Variants in CYP3A43 observed in about 807,000 individuals in gnomAD.
The protein encoded by CYP3A43 is cytochrome P450 family 3 subfamily A member 43, also known as cytochrome P450 3A43.
In CYP3A43, 45 loss-of-function variants were observed where a neutral mutation model predicts 58.0. The ratio of observed to expected loss-of-function variants is 0.78; its 90% confidence interval spans 0.61 to 0.99. The LOEUF (loss-of-function observed/expected upper bound fraction) is 0.99. Ranked by LOEUF, CYP3A43 falls within the 50% of genes least tolerant of loss-of-function variation. The probability of loss-of-function intolerance (pLI) is 0.00; values close to 1 mark genes in which losing one functional copy is unlikely to be tolerated. For synonymous variants in CYP3A43, 191 were observed against 201.4 expected, an observed-to-expected ratio of 0.95 and a Z score of 0.44; for missense variants, 593 against 591.9, an observed-to-expected ratio of 1.00 and a Z score of -0.02.
chr7:99,849,639 A>G lies in CYP3A43; in HGVS notation c.615A>G (p.Lys205=). Reference sequence around the variant, plus strand: ...ACAATCCACAAGATCCCTTTCTGAAAAATATGAAGAAGCTTTTAAAATTGG... The same window carrying G: ...ACAATCCACAAGATCCCTTTCTGAAGAATATGAAGAAGCTTTTAAAATTGG... ...SLNNPQDPFL[K]NMKKLLKLDF... The change falls in exon 7 of 13, where the codon AAA becomes AAG. Residue 205 remains lysine (K), a synonymous_variant. Transcript: ENST00000354829. 1 of 1,612,262 alleles carries G rather than the reference A, an allele frequency of 6.2e-7. No homozygotes were observed. Among genetic ancestry groups the G allele is most frequent in the Non-Finnish European group, 8.5e-7 (1 of 1,179,630 alleles).
At chr7:99,857,100 A>T (rs140475564) in intron 9 of CYP3A43, among the ~76,000 whole-genome samples, 58 of 152,324 alleles carry the variant, frequency 3.8e-4, no homozygotes, top group African/African-American at 1.3e-3. Flanking sequence ...CTTGAAGGGC[A>T]ACCCTGAACA....
At chr7:99,844,104 G>T (rs199798837) in intron 3 of CYP3A43, 39 bp from the exon 4 acceptor site, 172 of 1,528,050 alleles carry the variant, frequency 1.1e-4, no homozygotes, top group Non-Finnish European at 1.4e-4. Context: ...GCAGAATCAG[G>T]CAAGCGAGGT....
intron 4 of CYP3A43, among the ~76,000 whole-genome samples, chr7:99,846,202 T>A (rs1448555955): frequency 1.3e-5 from 2 of 152,248 alleles, no homozygotes; most frequent in Non-Finnish European, 2.9e-5. Context: ...CTTTACTACA[T>A]TGAGTCTTTC....
Position 99,861,657 on chromosome 7 carries a change from C to G in CYP3A43, c.1071C>G (p.Asp357Glu), listed in dbSNP as rs1296254267. ...CCCTGGTACAGATGGAGTACCTTGA[C>G]ATGGTGGTGAATGAAACGCTCAGAT... Reference protein sequence around the residue: ...YDALVQMEYLDMVVNETLRLF... With the variant: ...YDALVQMEYLEMVVNETLRLF... The change falls in exon 11 of 13, where the codon GAC (aspartate) becomes GAG (glutamate). Residue 357 changes from aspartate to glutamate, a missense_variant. Physicochemically the swap from Asp to Glu is conservative, Grantham distance 45 (BLOSUM62 2). Transcript: ENST00000354829. 4.3e-6 allele frequency: 7 copies of G among 1,614,034 alleles called. No homozygotes were observed. The highest frequency in any genetic ancestry group is 5.9e-6 in the Non-Finnish European group (7 of 1,180,026).
At position 99,839,168 on chromosome 7, in the gene CYP3A43, T is replaced by TG; in HGVS notation, c.218+1dup. ...ATGTAATGAAAAATACGGAGAAATG[T>TG]GGGGGTGAGTATTCTGGAAACTTGC... is the stretch of plus-strand genomic sequence containing the variant. On this transcript the variant is annotated frameshift_variant, in exon 3 of 13. Transcript: ENST00000354829. LOFTEE classifies it high-confidence loss of function. The TG allele has an allele frequency of 6.2e-7, 1 of 1,614,146 alleles. No homozygotes were observed. Among genetic ancestry groups the TG allele is most frequent in the Non-Finnish European group, 8.5e-7 (1 of 1,180,018 alleles).
At chr7:99,855,080 A>G (rs535252039) in intron 7 of CYP3A43, among the ~76,000 whole-genome samples, 1 of 152,062 alleles carries the variant, frequency 6.6e-6, no homozygotes, top group Non-Finnish European at 1.5e-5. Context: ...GGGTTCCGCC[A>G]TGTTGGTCAG....
chr7:99,860,533 C>G (rs1007454116), intron 10 of CYP3A43, among the ~76,000 whole-genome samples: 1 of 152,240 alleles, frequency 6.6e-6, no homozygotes, highest in African/African-American at 2.4e-5. Context: ...ACACCAAATG[C>G]TAGCCACGTA....
intron 4 of CYP3A43, among the ~76,000 whole-genome samples, chr7:99,844,999 G>A (rs1817488559): frequency 6.6e-6 from 1 of 151,370 alleles, no homozygotes; most frequent in Non-Finnish European, 1.5e-5. Flanking sequence ...AACCCGGGAG[G>A]CAGAGGTTGC....
intron 3 of CYP3A43, among the ~76,000 whole-genome samples, chr7:99,843,529 G>A (rs906407368): frequency 1.3e-5 from 2 of 151,792 alleles, no homozygotes; most frequent in African/African-American, 2.4e-5. Context: ...GCAGTGATGC[G>A]ATCTTGGCTC....
chr7:99,828,347 G>C (rs1281156556), intron 1 of CYP3A43, among the ~76,000 whole-genome samples, 161 bp downstream of exon 1: 1 of 152,146 alleles, frequency 6.6e-6, no homozygotes, highest in African/African-American at 2.4e-5. Context: ...AATATGTTAG[G>C]ACTCCTAATA....
intron 10 of CYP3A43, 143 bp downstream of exon 10, chr7:99,860,133 A>G (rs1818171872): frequency 9.5e-7 from 1 of 1,054,756 alleles, no homozygotes. Flanking sequence ...TGTAAAGAGT[A>G]AAAACAAAGG....
chr7:99,866,064 A>G lies in CYP3A43; in HGVS notation c.*63A>G. ...TATCCCAGAACACTAGACACTTCAAATTGTTTTGTGAATAAAACTCAGAAA... is the reference window on the plus strand; with the variant it reads ...TATCCCAGAACACTAGACACTTCAAGTTGTTTTGTGAATAAAACTCAGAAA... On this transcript the variant is annotated 3_prime_UTR_variant, in exon 13 of 13. Transcript: ENST00000354829. 9.5e-7 allele frequency: 1 copy of G among 1,047,902 alleles called. No individual in the cohort carries two copies. Among genetic ancestry groups the G allele is most frequent in the Non-Finnish European group, 1.4e-6 (1 of 718,360 alleles). 64.9% of individuals were successfully genotyped at this position (1,047,902 alleles called of 1,614,324 possible).
intron 7 of CYP3A43, among the ~76,000 whole-genome samples, chr7:99,854,930 G>A (rs1456376520): frequency 6.6e-6 from 1 of 150,914 alleles, no homozygotes; most frequent in Admixed American, 6.6e-5. Context: ...TGTCACTCAG[G>A]CTGGAGTACA....
At chr7:99,832,742 C>A (rs1298384411) in intron 1 of CYP3A43, among the ~76,000 whole-genome samples, 1 of 151,910 alleles carries the variant, frequency 6.6e-6, no homozygotes, top group Non-Finnish European at 1.5e-5. Flanking sequence ...AAGTGTGACA[C>A]CTCTTCTCTC....
In CYP3A43 at chr7:99,836,476, T is replaced by A; in HGVS notation, c.95T>A (p.Leu32His). The A allele has an allele frequency of 6.2e-7, 1 of 1,611,026 alleles. No individual in the cohort carries two copies. The highest frequency in any genetic ancestry group is 8.5e-7 in the Non-Finnish European group (1 of 1,179,344). The change falls in exon 2 of 13, where the codon CTT becomes CAT. Residue 32 changes from leucine to histidine, a missense_variant. Coordinates refer to ENST00000354829, the MANE Select transcript of CYP3A43 (RefSeq NM_057095.3). ...AGTTATGGGACCCATTCACATAAACTTTTTAAGAAGCTGGGAATTCCTGGG... is the reference window on the plus strand; with the variant it reads ...AGTTATGGGACCCATTCACATAAACATTTTAAGAAGCTGGGAATTCCTGGG... The part of the protein sequence containing the change: ...LYIYGTHSHK[L>H]FKKLGIPGPT...
At chr7:99,835,658 A>C (rs1817043218) in intron 1 of CYP3A43, among the ~76,000 whole-genome samples, 1 of 152,184 alleles carries the variant, frequency 6.6e-6, no homozygotes, top group Non-Finnish European at 1.5e-5. Flanking sequence ...GCAGGTTTCT[A>C]ACTTGGTTCC....
chr7:99,853,076 T>C (rs1011419551), intron 7 of CYP3A43, among the ~76,000 whole-genome samples: 26 of 152,372 alleles, frequency 1.7e-4, no homozygotes, highest in African/African-American at 6.3e-4. Context: ...GTGATATATT[T>C]TTCCAGTTTT....
intron 7 of CYP3A43, 183 bp from the exon 8 acceptor site, chr7:99,855,408 C>A: frequency 2.9e-6 from 2 of 691,968 alleles, no homozygotes; most frequent in Non-Finnish European, 4.5e-6. Flanking sequence ...TCTGCTCTTG[C>A]TCAGCCATTG....
In CYP3A43 at chr7:99,861,614, C is replaced by T. The variant is rs200926092; in HGVS notation, c.1028C>T (p.Ala343Val). The change falls in exon 11 of 13, where the codon GCA (alanine) becomes GTA (valine). Residue 343 changes from alanine (A) to valine (V), a missense_variant and splice_region_variant. Transcript: ENST00000354829. ...CCAAATCTGTTTCTTTCTTCCCAGG[C>T]ACCTGTCACCTACGATGCCCTGGTA... ...EEIDAVLPNK[A>V]PVTYDALVQM... The T allele has an allele frequency of 2.5e-6, 4 of 1,613,510 alleles. No individual in the cohort carries two copies. Among genetic ancestry groups the T allele is most frequent in the East Asian group, 2.2e-5 (1 of 44,870 alleles).
Sources: gnomAD v4.1 joint callset for allele counts (sites outside exome capture counted in the v4.1 genomes callset) on GRCh38, gnomAD v4.1.1 for gene constraint, MANE v1.5 for transcripts, NCBI Gene and HGNC (gene_info 2026-07-23, HGNC 2026-07-21) for gene names.